Variants in LRRTM3 observed in about 807,000 individuals in gnomAD.
LRRTM3 encodes leucine rich repeat transmembrane neuronal 3.
Under a neutral mutation model 44.7 loss-of-function variants are expected in LRRTM3, and 24 were observed. That is an observed-to-expected ratio of 0.54 (90% CI 0.39 to 0.76). The LOEUF (loss-of-function observed/expected upper bound fraction) is 0.76, where lower values mean the gene tolerates loss of function less well. Ranked by LOEUF, LRRTM3 falls within the 30% of genes least tolerant of loss-of-function variation. The pLI is 0.00. For missense variants in LRRTM3, 587 were observed against 702.2 expected (o/e 0.84, Z 1.85); for synonymous variants, 277 against 278.7 (o/e 0.99, Z 0.06).
chr10:67,047,732 CATTAA>C (rs1262777561), intron 2 of LRRTM3, among the ~76,000 whole-genome samples: 3 of 152,116 alleles, frequency 2.0e-5, no homozygotes, highest in Admixed American at 1.3e-4. Flanking sequence ...AAAGCTATTA[CATTAA>C]ATTAAATTAA....
At chr10:66,956,059 T>C (rs959939049) in intron 2 of LRRTM3, among the ~76,000 whole-genome samples, 6 of 152,134 alleles carry the variant, frequency 3.9e-5, no homozygotes, top group African/African-American at 1.4e-4. Context: ...CCTAGAGCTA[T>C]GGCATTTGGT....
intron 2 of LRRTM3, among the ~76,000 whole-genome samples, chr10:66,949,567 A>T (rs1848434941): frequency 6.6e-6 from 1 of 152,014 alleles, no homozygotes; most frequent in Non-Finnish European, 1.5e-5. Flanking sequence ...TCAAAATAAA[A>T]AAAAAAAAAA....
chr10:66,942,608 G>A (rs574444751), intron 2 of LRRTM3, among the ~76,000 whole-genome samples: 14 of 150,698 alleles, frequency 9.3e-5, no homozygotes, highest in Middle Eastern at 3.4e-3. Flanking sequence ...GTGTGTCTGC[G>A]TGTGTGTGCA....
At chr10:66,970,505 G>T (rs80332308) in intron 2 of LRRTM3, among the ~76,000 whole-genome samples, 1 of 144,636 alleles carries the variant, frequency 6.9e-6, no homozygotes, top group Non-Finnish European at 1.5e-5. Context: ...TCTTGGGTGG[G>T]GGGGGGATAC....
Position 67,014,427 on chromosome 10 carries a change from T to C in LRRTM3, c.1537-83160T>C, listed in dbSNP as rs141026831. 4.3e-3 allele frequency among the ~76,000 whole-genome samples: 653 copies of C among 152,282 alleles called. 19 individuals carry two copies. The highest frequency in any genetic ancestry group is 0.034 in the Middle Eastern group (10 of 294). ...TATGGACTATATAACTTAAGAAATA[T>C]CTTTATCTGGGAATCCCAGGTGGTG... On this transcript the variant is annotated intron_variant, in intron 2 of 2. Transcript: ENST00000361320.
intron 2 of LRRTM3, among the ~76,000 whole-genome samples, chr10:66,995,162 A>G (rs1324676646): frequency 6.6e-6 from 1 of 152,166 alleles, no homozygotes; most frequent in South Asian, 2.1e-4. Flanking sequence ...CATAATCTCA[A>G]ACATAACCCA....
intron 2 of LRRTM3, among the ~76,000 whole-genome samples, chr10:67,060,836 T>G (rs1925593): frequency 0.12 from 18,098 of 152,082 alleles, 1,259 homozygotes; most frequent in African/African-American, 0.2. Flanking sequence ...ATATATGACA[T>G]GAAAAAGAAA....
chr10:67,036,048 C>T (rs1240814973), intron 2 of LRRTM3, among the ~76,000 whole-genome samples: 12 of 152,186 alleles, frequency 7.9e-5, no homozygotes, highest in Admixed American at 7.2e-4. Flanking sequence ...GAATTTGCAT[C>T]TTCTAACCTC....
chr10:66,953,555 ATAGT>A (rs1848644869), intron 2 of LRRTM3, among the ~76,000 whole-genome samples: 1 of 152,176 alleles, frequency 6.6e-6, no homozygotes, highest in African/African-American at 2.4e-5. Flanking sequence ...CTGGCACACC[ATAGT>A]TAGTTATGAC....
chr10:67,004,129 C>T (rs1851837092), intron 2 of LRRTM3, among the ~76,000 whole-genome samples: 1 of 151,014 alleles, frequency 6.6e-6, no homozygotes, highest in South Asian at 2.1e-4. Context: ...GGCTGTGGAG[C>T]CATGGCTGTG....
intron 2 of LRRTM3, among the ~76,000 whole-genome samples, chr10:67,054,464 C>T (rs1284886261): frequency 6.6e-6 from 1 of 152,164 alleles, no homozygotes; most frequent in Non-Finnish European, 1.5e-5. Flanking sequence ...CCTAATGCTT[C>T]ATTATAGCAT....
At chr10:67,016,367 C>G (rs915474676) in intron 2 of LRRTM3, among the ~76,000 whole-genome samples, 5 of 151,896 alleles carry the variant, frequency 3.3e-5, no homozygotes, top group African/African-American at 1.2e-4. Flanking sequence ...GTTCTTCCCT[C>G]GTTTCTTTTT....
chr10:67,072,738 T>C (rs1019753626), intron 2 of LRRTM3, among the ~76,000 whole-genome samples: 4 of 152,236 alleles, frequency 2.6e-5, no homozygotes, highest in African/African-American at 9.7e-5. Flanking sequence ...TTTCAGCTCA[T>C]TTCTTTATCT....
At chr10:67,069,059 T>C (rs1455982763) in intron 2 of LRRTM3, among the ~76,000 whole-genome samples, 1 of 150,932 alleles carries the variant, frequency 6.6e-6, no homozygotes, top group Admixed American at 6.6e-5. Flanking sequence ...AAAAAAAATA[T>C]ATATATGTAA....
intron 2 of LRRTM3, among the ~76,000 whole-genome samples, chr10:67,055,770 A>G (rs1855390741): frequency 6.6e-6 from 1 of 152,068 alleles, no homozygotes; most frequent in Non-Finnish European, 1.5e-5. Flanking sequence ...ATGTACCTCA[A>G]AGGTTCTTAA....
intron 2 of LRRTM3, among the ~76,000 whole-genome samples, chr10:67,027,546 T>G (rs1008634014): frequency 6.6e-6 from 1 of 151,572 alleles, no homozygotes; most frequent in Non-Finnish European, 1.5e-5. Flanking sequence ...GTGATTCTCC[T>G]GCCTCAGCCT....
chr10:67,000,442 C>T (rs1467535306), intron 2 of LRRTM3, among the ~76,000 whole-genome samples: 4 of 152,148 alleles, frequency 2.6e-5, no homozygotes, highest in Non-Finnish European at 5.9e-5. Context: ...ATGTTGACTG[C>T]TACCTAGTTA....
At chr10:66,997,863 C>T (rs921189379) in intron 2 of LRRTM3, among the ~76,000 whole-genome samples, 12 of 152,208 alleles carry the variant, frequency 7.9e-5, no homozygotes, top group Non-Finnish European at 1.3e-4. Flanking sequence ...ATCCATTCCA[C>T]TCCATCCCCA....
intron 2 of LRRTM3, among the ~76,000 whole-genome samples, chr10:66,978,250 G>A (rs947493815): frequency 2.0e-5 from 3 of 152,108 alleles, no homozygotes; most frequent in Admixed American, 6.6e-5. Flanking sequence ...TGTGGGCCAA[G>A]TGCACTGGCT....
Sources: allele counts gnomAD v4.1 joint callset (sites outside exome capture counted in the v4.1 genomes callset), GRCh38; gene constraint gnomAD v4.1.1; transcripts MANE v1.5; gene names NCBI Gene and HGNC (gene_info 2026-07-23, HGNC 2026-07-21).